Variants in BLOC1S6 observed in about 807,000 individuals in gnomAD.
BLOC1S6 encodes the protein biogenesis of lysosomal organelles complex 1 subunit 6.
In BLOC1S6, 24 loss-of-function variants were observed where a neutral mutation model predicts 24.7. The observed-to-expected ratio is 0.97, with a 90% CI of 0.70 to 1.37. The LOEUF (loss-of-function observed/expected upper bound fraction) is 1.37, where lower values mean the gene tolerates loss of function less well. Among genes scored for constraint, BLOC1S6 ranks in the 40% most tolerant of loss-of-function variants. BLOC1S6 has a pLI of 0.00. For missense variants in BLOC1S6, 175 were observed against 196.2 expected, an observed-to-expected ratio of 0.89 and a Z score of 0.64; for synonymous variants, 76 against 72.6, an observed-to-expected ratio of 1.05 and a Z score of -0.23.
intron 2 of BLOC1S6, among the ~76,000 whole-genome samples, chr15:45,594,129 A>G (rs753294225): frequency 3.3e-5 from 5 of 152,188 alleles, no homozygotes; most frequent in Non-Finnish European, 4.4e-5. Flanking sequence ...TGGCTCTGCC[A>G]TCAAACCTTT....
intron 2 of BLOC1S6, among the ~76,000 whole-genome samples, chr15:45,602,155 C>G (rs1274415784): frequency 6.6e-6 from 1 of 152,092 alleles, no homozygotes; most frequent in East Asian, 1.9e-4. Flanking sequence ...CTTGGCCTCT[C>G]AAAGTGCTGG....
At chr15:45,600,361 G>A (rs903177425) in intron 2 of BLOC1S6, among the ~76,000 whole-genome samples, 1 of 152,040 alleles carries the variant, frequency 6.6e-6, no homozygotes, top group Admixed American at 6.6e-5. Context: ...TTGAATAGGA[G>A]TTGTGAGAGG....
intron 2 of BLOC1S6, among the ~76,000 whole-genome samples, chr15:45,595,778 C>T (rs1480348203): frequency 6.6e-6 from 1 of 152,044 alleles, no homozygotes; most frequent in Non-Finnish European, 1.5e-5. Context: ...TTGCATTTTA[C>T]ATTTAGACCT....
intron 2 of BLOC1S6, among the ~76,000 whole-genome samples, chr15:45,600,178 T>G (rs1894220472): frequency 1.2e-5 from 1 of 81,218 alleles, no homozygotes; most frequent in African/African-American, 4.9e-5. Context: ...CTGGGGACTG[T>G]GGTGGGGTGG....
At chr15:45,588,166 T>C (rs1444550616) in intron 1 of BLOC1S6, among the ~76,000 whole-genome samples, 1 of 152,250 alleles carries the variant, frequency 6.6e-6, no homozygotes, top group Non-Finnish European at 1.5e-5. Flanking sequence ...TCCTTGGATA[T>C]GCTTTTTCTT....
At chr15:45,590,274 G>C (rs951776366) in intron 1 of BLOC1S6, among the ~76,000 whole-genome samples, 2 of 151,522 alleles carry the variant, frequency 1.3e-5, no homozygotes, top group African/African-American at 2.4e-5. Flanking sequence ...TTACCTATTT[G>C]AATGTTGCCT....
At chr15:45,587,282 C>T, upstream of BLOC1S6, 1 of 713,302 alleles carries the variant, frequency 1.4e-6, no homozygotes, top group East Asian at 2.7e-5. Context: ...TGGGGCAGAG[C>T]CAACTCTCGA....
chr15:45,591,820 A>G (rs1449625118), intron 1 of BLOC1S6, among the ~76,000 whole-genome samples: 1 of 152,220 alleles, frequency 6.6e-6, no homozygotes, highest in Non-Finnish European at 1.5e-5. Context: ...TTGAACATTC[A>G]TGACTCATTT....
chr15:45,597,363 T>C lies in BLOC1S6; in HGVS notation c.224+5087T>C, dbSNP rs1894116670. Among the ~76,000 whole-genome samples the C allele has an allele frequency of 2.0e-5, 3 of 152,046 alleles. No homozygotes were observed. The South Asian group carries it at 6.2e-4, about 31-fold the overall frequency. ...GCGTGGTGGTGTGCACCTGTAGTCA[T>C]AGCTACTTGGGAGGCTGAGGCAGGG... On this transcript the variant is annotated intron_variant, in intron 2 of 4. Transcript: ENST00000220531.
intron 1 of BLOC1S6, 132 bp from the exon 2 acceptor site, chr15:45,592,003 G>A (rs561776046): frequency 2.0e-6 from 2 of 1,024,508 alleles, no homozygotes; most frequent in African/African-American, 1.6e-5. Context: ...GAGTGCAGTG[G>A]TGTTTACAAC....
At chr15:45,601,636 G>GT (rs1273207745) in intron 2 of BLOC1S6, among the ~76,000 whole-genome samples, 53 of 146,454 alleles carry the variant, frequency 3.6e-4, no homozygotes, top group African/African-American at 1.4e-3. Context: ...AATACTTTGG[G>GT]GTTTTTTTTT....
At chr15:45,593,376 C>T (rs973937511) in intron 2 of BLOC1S6, among the ~76,000 whole-genome samples, 13 of 127,596 alleles carry the variant, frequency 1.0e-4, no homozygotes, top group Admixed American at 7.5e-4. Context: ...CAGAGTGAGA[C>T]TCTGTCTCCG....
At chr15:45,605,683 G>T in intron 4 of BLOC1S6, 169 bp downstream of exon 4, 1 of 540,720 alleles carries the variant, frequency 1.8e-6, no homozygotes, top group Non-Finnish European at 3.3e-6. Flanking sequence ...TCTGCCTCCG[G>T]GGTTGAAGCG....
intron 1 of BLOC1S6, among the ~76,000 whole-genome samples, chr15:45,591,588 G>A (rs1206619131): frequency 2.0e-5 from 3 of 152,088 alleles, no homozygotes; most frequent in South Asian, 2.1e-4. Context: ...GTGTGCCACC[G>A]TGCCCAGCCA....
intron 2 of BLOC1S6, among the ~76,000 whole-genome samples, chr15:45,594,161 T>G (rs1893985903): frequency 6.6e-6 from 1 of 152,146 alleles, no homozygotes; most frequent in African/African-American, 2.4e-5. Context: ...TTCACCATTA[T>G]AGAAACAGGT....
rs903024579 is a variant in BLOC1S6, at chr15:45,606,612, CAT to C, written c.*101_*102del. The C allele has an allele frequency of 4.9e-5, 75 of 1,534,456 alleles. No homozygotes were observed. In the African/African-American group the frequency reaches 9.5e-4, roughly 20 times the overall value. On this transcript the variant is annotated 3_prime_UTR_variant, in exon 5 of 5. Coordinates refer to ENST00000220531, the MANE Select transcript of BLOC1S6 (RefSeq NM_012388.4). ...GAGGTAGTGCCTTATGCCATTATGT[CAT>C]ATGTTGAAATCCTTATTCCGGTATT... is the stretch of plus-strand genomic sequence containing the variant.
In BLOC1S6 at chr15:45,606,654, C is replaced by T. The variant is rs1453256679; in HGVS notation, c.*140C>T. ...ATTCCGGTATTACTGTGTCTCCATG[C>T]CTTTTTTCCAAGTAGCAGACGTCAT... On this transcript the variant is annotated 3_prime_UTR_variant, in exon 5 of 5. Coordinates refer to ENST00000220531, the MANE Select transcript of BLOC1S6 (RefSeq NM_012388.4). 2.5e-6 allele frequency: 3 copies of T among 1,212,098 alleles called. No homozygotes were observed. The highest frequency in any genetic ancestry group is 3.0e-5 in the African/African-American group (2 of 66,826). 75.1% of individuals were successfully genotyped at this position (1,212,098 alleles called of 1,614,324 possible).
intron 1 of BLOC1S6, 126 bp downstream of exon 1, chr15:45,587,651 G>A: frequency 1.0e-6 from 1 of 973,056 alleles, no homozygotes; most frequent in Non-Finnish European, 1.6e-6. Flanking sequence ...CCCGGGCCCT[G>A]CCCCGAGTGC....
intron 2 of BLOC1S6, 83 bp downstream of exon 2, chr15:45,592,359 A>G: frequency 6.6e-7 from 1 of 1,522,528 alleles, no homozygotes; most frequent in Non-Finnish European, 9.0e-7. Flanking sequence ...GTGTTAAGAC[A>G]TAATATTTTT....
Sources: gnomAD v4.1 joint callset for allele counts (sites outside exome capture counted in the v4.1 genomes callset) on GRCh38, gnomAD v4.1.1 for gene constraint, MANE v1.5 for transcripts, NCBI Gene and HGNC (gene_info 2026-07-23, HGNC 2026-07-21) for gene names.